RASSF2: variants seen among roughly 807,000 people sequenced by gnomAD.
The protein encoded by RASSF2 is ras association domain-containing protein 2.
A neutral mutation model predicts 46.3 loss-of-function variants in RASSF2; 34 were observed. The ratio of observed to expected loss-of-function variants is 0.73; its 90% confidence interval spans 0.56 to 0.98. The LOEUF is 0.98. RASSF2 is among the 50% of genes least tolerant of loss of function. RASSF2 has a pLI of 0.00. For synonymous variants in RASSF2, 158 were observed against 162.5 expected (o/e 0.97, Z 0.21); for missense variants, 364 against 431.2 (o/e 0.84, Z 1.38).
intron 2 of RASSF2, among the ~76,000 whole-genome samples, chr20:4,816,763 A>G (rs4813720): frequency 0.64 from 97,083 of 152,046 alleles, 31,274 homozygotes; most frequent in East Asian, 0.83. Context: ...GCTAATATAG[A>G]TGGGTGATAC....
At chr20:4,792,501 T>G in intron 6 of RASSF2, 38 bp downstream of exon 6, 1 of 1,613,372 alleles carries the variant, frequency 6.2e-7, no homozygotes, top group Non-Finnish European at 8.5e-7. Flanking sequence ...CTTCACACAG[T>G]TGGTCCCTAG....
chr20:4,803,267 C>T (rs1353818068), intron 2 of RASSF2, among the ~76,000 whole-genome samples: 2 of 152,042 alleles, frequency 1.3e-5, no homozygotes, highest in African/African-American at 4.8e-5. Flanking sequence ...TACAGTGAGA[C>T]AATGTGAGAA....
chr20:4,819,277 T>C (rs563956323), intron 2 of RASSF2, among the ~76,000 whole-genome samples: 1 of 152,188 alleles, frequency 6.6e-6, no homozygotes, highest in Non-Finnish European at 1.5e-5. Context: ...ACTGAGACTT[T>C]TAATGACTTT....
intron 11 of RASSF2, among the ~76,000 whole-genome samples, chr20:4,786,008 G>C (rs1452431896): frequency 6.6e-6 from 1 of 152,148 alleles, no homozygotes; most frequent in Non-Finnish European, 1.5e-5. Flanking sequence ...GAGACACTTT[G>C]ATGTCCCACA....
At chr20:4,801,817 C>T (rs1926895193) in intron 2 of RASSF2, among the ~76,000 whole-genome samples, 1 of 152,132 alleles carries the variant, frequency 6.6e-6, no homozygotes, top group East Asian at 1.9e-4. Flanking sequence ...CAGCTCACTG[C>T]AACCTCCCTC....
At chr20:4,811,157 G>A (rs1241751961) in intron 2 of RASSF2, among the ~76,000 whole-genome samples, 1 of 98,054 alleles carries the variant, frequency 1.0e-5, no homozygotes, top group Non-Finnish European at 2.3e-5. Flanking sequence ...GATCAACCTG[G>A]GCAACATTGT....
chr20:4,797,968 C>A, intron 4 of RASSF2, 42 bp downstream of exon 4: 1 of 1,611,618 alleles, frequency 6.2e-7, no homozygotes, highest in Non-Finnish European at 8.5e-7. Flanking sequence ...TGGTGACAAG[C>A]CCTGGACTAG....
chr20:4,789,911 G>A lies in RASSF2; in HGVS notation c.538-214C>T, dbSNP rs144342568. Among the ~76,000 whole-genome samples, 117 of 152,294 alleles carry A rather than the reference G, an allele frequency of 7.7e-4. No homozygotes were observed. The East Asian group carries it at 7.7e-3, about 10-fold the overall frequency. ...CCACGCTCAAAAAGACCCTTCCTCT[G>A]GGACTTCAGCACAAGGCTGTCTCTG... On this transcript the variant is annotated intron_variant, in intron 7 of 11. Transcript: ENST00000379400.
chr20:4,813,989 A>G (rs1928070296), intron 2 of RASSF2, among the ~76,000 whole-genome samples: 3 of 152,224 alleles, frequency 2.0e-5, no homozygotes, highest in Admixed American at 2.0e-4. Context: ...ATGTGACTGT[A>G]GGACCCAAGG....
At chr20:4,818,863 C>T (rs1244669604) in intron 2 of RASSF2, among the ~76,000 whole-genome samples, 2 of 152,226 alleles carry the variant, frequency 1.3e-5, no homozygotes, top group African/African-American at 4.8e-5. Context: ...ATGTGCCAGG[C>T]TAAGCACATG....
At chr20:4,808,767 G>T (rs1490230073) in intron 2 of RASSF2, among the ~76,000 whole-genome samples, 1 of 152,174 alleles carries the variant, frequency 6.6e-6, no homozygotes, top group Non-Finnish European at 1.5e-5. Context: ...TTACAGGTGT[G>T]AGCTATCTCT....
intron 2 of RASSF2, among the ~76,000 whole-genome samples, chr20:4,801,427 G>A (rs76871861): frequency 2.3e-3 from 348 of 152,320 alleles, no homozygotes; most frequent in Non-Finnish European, 2.6e-3. Flanking sequence ...GGGACAGCCC[G>A]ATTCTACTGA....
rs372791134 is a variant in RASSF2, at chr20:4,789,686, G to A, written c.549C>T (p.Phe183=). 8.7e-6 allele frequency: 14 copies of A among 1,614,036 alleles called. No homozygotes were observed. The highest frequency in any genetic ancestry group is 1.2e-5 in the Non-Finnish European group (14 of 1,179,976). ...TGGTGACAGAGCCATAGGCTGGTGT[G>A]AACACGGATGTCTGTCAATAGAAGG... The part of the protein sequence containing the change: ...GHFYNHKTSV[F]TPAYGSVTNV... Residue 183 remains phenylalanine (F), a synonymous_variant, in exon 8 of 12, where the codon TTC becomes TTT. Transcript: ENST00000379400.
intron 9 of RASSF2, 21 bp from the exon 10 acceptor site, chr20:4,787,775 G>A (rs368667759): frequency 3.1e-6 from 5 of 1,613,988 alleles, no homozygotes; most frequent in Admixed American, 1.7e-5. Flanking sequence ...ACACACCCAG[G>A]AGCAGCCCTG....
chr20:4,808,217 T>G (rs1927496787), intron 2 of RASSF2, among the ~76,000 whole-genome samples: 1 of 152,140 alleles, frequency 6.6e-6, no homozygotes, highest in Admixed American at 6.5e-5. Context: ...CTGCCTCCCC[T>G]GTTATTATCC....
chr20:4,818,182 G>A (rs145129891), intron 2 of RASSF2, among the ~76,000 whole-genome samples: 5,371 of 152,068 alleles, frequency 0.035, 131 homozygotes, highest in Non-Finnish European at 0.056. Context: ...CAGGAGAATC[G>A]CTTGAACTTG....
At chr20:4,811,031 G>A (rs13038463) in intron 2 of RASSF2, among the ~76,000 whole-genome samples, 57,670 of 151,816 alleles carry the variant, frequency 0.38, 11,193 homozygotes, top group Admixed American at 0.49. Flanking sequence ...CCAGAGCAGC[G>A]GCAGGGAGTG....
intron 5 of RASSF2, among the ~76,000 whole-genome samples, chr20:4,793,654 A>AT (rs1166859469): frequency 6.7e-6 from 1 of 149,796 alleles, no homozygotes; most frequent in Non-Finnish European, 1.5e-5. Flanking sequence ...TTTTTATTTT[A>AT]TTTTTTTGTA....
At position 4,797,955 on chromosome 20, in the gene RASSF2, A is replaced by T. The variant is rs146758963; in HGVS notation, c.135+55T>A. On this transcript the variant is annotated intron_variant, in intron 4 of 11. Coordinates refer to ENST00000379400, the MANE Select transcript of RASSF2 (RefSeq NM_014737.3). ...CCTCAGGGACCTTCAGACCCAGGAC[A>T]CATGGTGACAAGCCCTGGACTAGCC... 7.5e-6 allele frequency: 12 copies of T among 1,609,058 alleles called. No individual in the cohort carries two copies. The East Asian group carries it at 2.7e-4, about 36-fold the overall frequency.
Sources: gnomAD v4.1 joint callset for allele counts (sites outside exome capture counted in the v4.1 genomes callset) on GRCh38, gnomAD v4.1.1 for gene constraint, MANE v1.5 for transcripts, NCBI Gene and HGNC (gene_info 2026-07-23, HGNC 2026-07-21) for gene names.